The following NUDCD3 variants were observed in gnomAD, a reference collection of about 807,000 sequenced individuals.
NUDCD3 encodes nudC domain-containing protein 3.
Under a neutral mutation model 39.7 loss-of-function variants are expected in NUDCD3, and 13 were observed. That is an observed-to-expected ratio of 0.33 (90% confidence interval 0.21 to 0.52). NUDCD3 has a LOEUF of 0.52. NUDCD3 is among the 20% of genes least tolerant of loss of function. The pLI, the probability that NUDCD3 is intolerant of heterozygous loss-of-function variation, is 0.96. For synonymous variants in NUDCD3, 175 were observed against 172.4 expected (o/e 1.02, Z -0.12); for missense variants, 453 against 458.1 (o/e 0.99, Z 0.10).
chr7:44,404,847 T>C (rs780914924), intron 3 of NUDCD3, among the ~76,000 whole-genome samples: 30 of 152,202 alleles, frequency 2.0e-4, no homozygotes, highest in Non-Finnish European at 3.7e-4. Context: ...GAAGCTGCTG[T>C]GACCCAATCT....
intron 3 of NUDCD3, among the ~76,000 whole-genome samples, chr7:44,419,020 T>C (rs1585066207): frequency 6.6e-6 from 1 of 152,120 alleles, no homozygotes; most frequent in East Asian, 1.9e-4. Flanking sequence ...CAGGAGTTTT[T>C]TTTTTGTTTG....
intron 2 of NUDCD3, among the ~76,000 whole-genome samples, chr7:44,473,403 A>C (rs1800296174): frequency 6.6e-6 from 1 of 152,232 alleles, no homozygotes; most frequent in Admixed American, 6.5e-5. Context: ...CAAAATGGGA[A>C]GGCAACAGAA....
Position 44,404,498 on chromosome 7 carries a change from G to A in NUDCD3, c.728C>T (p.Thr243Ile). 2.5e-6 allele frequency: 4 copies of A among 1,613,782 alleles called. No individual in the cohort carries two copies. The highest frequency in any genetic ancestry group is 1.1e-5 in the South Asian group (1 of 91,044). Residue 243 changes from threonine (T) to isoleucine (I), a missense_variant, in exon 4 of 6, where the codon ACC becomes ATC. Physicochemically the swap from Thr to Ile is moderately conservative, Grantham distance 89. Transcript: ENST00000355451. ...GERVLMEGKLTHKINTESSLW... is the reference protein window; with the variant it reads ...GERVLMEGKLIHKINTESSLW... ...AGAACTCTCAGTGTTGATCTTGTGG[G>A]TGAGCTTCCCTTCCATGAGGACGCG...
At chr7:44,460,243 G>A (rs921405498) in intron 2 of NUDCD3, among the ~76,000 whole-genome samples, 1 of 152,162 alleles carries the variant, frequency 6.6e-6, no homozygotes, top group African/African-American at 2.4e-5. Flanking sequence ...ATGAGTAAGT[G>A]GAGTTAATGA....
At chr7:44,435,383 G>A (rs1244793082) in intron 2 of NUDCD3, among the ~76,000 whole-genome samples, 2 of 152,138 alleles carry the variant, frequency 1.3e-5, no homozygotes, top group African/African-American at 2.4e-5. Flanking sequence ...AAGGACACAT[G>A]AGCCAATTTC....
chr7:44,459,903 T>C (rs981199152), intron 2 of NUDCD3, among the ~76,000 whole-genome samples: 1 of 152,220 alleles, frequency 6.6e-6, no homozygotes, highest in African/African-American at 2.4e-5. Context: ...CAAGTTAATA[T>C]GGAGTTTTAA....
chr7:44,405,702 T>C (rs1375891432), intron 3 of NUDCD3, among the ~76,000 whole-genome samples: 1 of 152,172 alleles, frequency 6.6e-6, no homozygotes, highest in Admixed American at 6.5e-5. Context: ...GTATTTCCAA[T>C]GAAATACAAT....
intron 3 of NUDCD3, among the ~76,000 whole-genome samples, chr7:44,412,312 A>T (rs1306278292): frequency 6.6e-6 from 1 of 152,228 alleles, no homozygotes; most frequent in Non-Finnish European, 1.5e-5. Flanking sequence ...ATGGCACAAA[A>T]TCCTTATTCA....
chr7:44,453,342 G>A (rs1052273703), intron 2 of NUDCD3, among the ~76,000 whole-genome samples: 3 of 151,832 alleles, frequency 2.0e-5, no homozygotes, highest in Non-Finnish European at 4.4e-5. Context: ...GACAGAGTGA[G>A]ACTTCATCTC....
chr7:44,462,205 G>A (rs931239574), intron 2 of NUDCD3, among the ~76,000 whole-genome samples: 4 of 152,064 alleles, frequency 2.6e-5, no homozygotes, highest in Admixed American at 6.5e-5. Context: ...AAAGAAATGC[G>A]TATTACCTCT....
chr7:44,465,754 G>C (rs1800105889), intron 2 of NUDCD3, among the ~76,000 whole-genome samples: 1 of 151,966 alleles, frequency 6.6e-6, no homozygotes, highest in African/African-American at 2.4e-5. Context: ...ACAGGGCCGT[G>C]AGTGAGAAGA....
intron 2 of NUDCD3, among the ~76,000 whole-genome samples, chr7:44,443,190 C>T (rs1799624663): frequency 6.6e-6 from 1 of 151,946 alleles, no homozygotes; most frequent in South Asian, 2.1e-4. Flanking sequence ...CAGTTTCTAA[C>T]ACACTCTGCA....
chr7:44,430,940 C>G (rs1327084950), intron 2 of NUDCD3, among the ~76,000 whole-genome samples: 3 of 152,314 alleles, frequency 2.0e-5, no homozygotes, highest in Admixed American at 2.0e-4. Context: ...ACCCCATCCT[C>G]CTGCCGTGTC....
At position 44,381,086 on chromosome 7, in the gene NUDCD3, G is replaced by A. The variant is rs1189518894; in HGVS notation, c.*4925C>T. ...GTGCAGCGGCAATGTCTGGGTTGTT[G>A]AGGGTTTTGATGGGTGATCAATGCT... On this transcript the variant is annotated 3_prime_UTR_variant, in exon 6 of 6. Coordinates refer to ENST00000355451, the MANE Select transcript of NUDCD3 (RefSeq NM_015332.4). The A allele has an allele frequency of 6.6e-6, 1 of 152,350 alleles. No individual in the cohort carries two copies. The highest frequency in any genetic ancestry group is 1.5e-5 in the Non-Finnish European group (1 of 68,122). The allele number at this position is 152,350 out of a possible 1,614,324, so 9.4% of individuals were successfully genotyped here.
intron 3 of NUDCD3, among the ~76,000 whole-genome samples, chr7:44,424,946 G>A (rs868276046): frequency 5.3e-5 from 8 of 152,096 alleles, no homozygotes; most frequent in South Asian, 2.1e-4. Flanking sequence ...TATACACCAC[G>A]GAATACTATG....
intron 4 of NUDCD3, among the ~76,000 whole-genome samples, chr7:44,393,248 A>G (rs1459544990): frequency 6.6e-6 from 1 of 152,194 alleles, no homozygotes; most frequent in African/African-American, 2.4e-5. Flanking sequence ...GATGGCACAG[A>G]CATCCCTTGG....
intron 2 of NUDCD3, chr7:44,468,039 G>T (rs1485265947): frequency 4.3e-6 from 7 of 1,612,904 alleles, no homozygotes; most frequent in Non-Finnish European, 5.9e-6. Context: ...GTTCGTAGAA[G>T]ATTCAAGGGC....
intron 3 of NUDCD3, among the ~76,000 whole-genome samples, chr7:44,410,084 G>C (rs1347373067): frequency 6.6e-6 from 1 of 151,956 alleles, no homozygotes; most frequent in East Asian, 1.9e-4. Flanking sequence ...GAAGAGAAAA[G>C]AAGAAAGAAT....
chr7:44,454,246 G>A (rs947632178), intron 2 of NUDCD3, among the ~76,000 whole-genome samples: 1 of 152,192 alleles, frequency 6.6e-6, no homozygotes, highest in Non-Finnish European at 1.5e-5. Context: ...GGCTGAGGCA[G>A]GAGAATGGCA....
Sources: allele counts gnomAD v4.1 joint callset (sites outside exome capture counted in the v4.1 genomes callset), GRCh38; gene constraint gnomAD v4.1.1; transcripts MANE v1.5; gene names NCBI Gene and HGNC (gene_info 2026-07-23, HGNC 2026-07-21).